Variants in RBFOX3 observed in about 807,000 individuals in gnomAD.
The protein encoded by RBFOX3 is RNA binding protein fox-1 homolog 3.
A neutral mutation model predicts 48.7 loss-of-function variants in RBFOX3; 17 were observed. That is an observed-to-expected ratio of 0.35 (90% CI 0.24 to 0.52). RBFOX3 has a LOEUF of 0.52. Ranked by LOEUF, RBFOX3 falls within the 20% of genes least tolerant of loss-of-function variation. The pLI is 0.94. For synonymous variants in RBFOX3, 212 were observed against 209.5 expected (o/e 1.01, Z -0.10); for missense variants, 382 against 497.5 (o/e 0.77, Z 2.21).
chr17:79,348,795 G>T (rs746603703), intron 2 of RBFOX3, among the ~76,000 whole-genome samples: 1 of 151,788 alleles, frequency 6.6e-6, no homozygotes, highest in African/African-American at 2.4e-5. Context: ...GGCCAGGTTG[G>T]TCTCCAACTC....
intron 3 of RBFOX3, among the ~76,000 whole-genome samples, chr17:79,251,934 C>T (rs2064023867): frequency 6.6e-6 from 1 of 152,190 alleles, no homozygotes. Flanking sequence ...GGATCCTTCC[C>T]CTCCCTGCCT....
the RBFOX3 span, among the ~76,000 whole-genome samples, chr17:79,622,964 G>A: frequency 2.1e-4 from 32 of 151,862 alleles, no homozygotes; most frequent in Non-Finnish European, 3.8e-4. Context: ...TCTCTACCAC[G>A]CCCTGTCCTC....
At chr17:79,542,065 T>C (rs1249082361) in intron 1 of RBFOX3, among the ~76,000 whole-genome samples, 1 of 151,258 alleles carries the variant, frequency 6.6e-6, no homozygotes, top group Non-Finnish European at 1.5e-5. Context: ...GTATTGTTTA[T>C]CGTGCAACAC....
intron 2 of RBFOX3, among the ~76,000 whole-genome samples, chr17:79,353,057 T>C (rs2084269412): frequency 6.6e-6 from 1 of 152,186 alleles, no homozygotes; most frequent in African/African-American, 2.4e-5. Flanking sequence ...CAGGATGACA[T>C]GGTCTGACCT....
chr17:79,552,766 C>G (rs879046548), intron 1 of RBFOX3, among the ~76,000 whole-genome samples: 14 of 152,128 alleles, frequency 9.2e-5, no homozygotes, highest in Admixed American at 9.2e-4. Context: ...TAAGTTTATT[C>G]CTAGATATTT....
intron 4 of RBFOX3, among the ~76,000 whole-genome samples, chr17:79,147,643 G>C (rs2043313042): frequency 6.6e-6 from 1 of 152,218 alleles, no homozygotes. Context: ...TAGTTGGCAA[G>C]ACCCCAAAAG....
chr17:79,591,344 C>T (rs886647058), intron 1 of RBFOX3, among the ~76,000 whole-genome samples: 59 of 152,260 alleles, frequency 3.9e-4, no homozygotes, highest in African/African-American at 1.3e-3. Context: ...GTCACAGCCA[C>T]GCTGCCACTC....
At chr17:79,634,556 C>A in the RBFOX3 span, among the ~76,000 whole-genome samples, 1 of 152,164 alleles carries the variant, frequency 6.6e-6, no homozygotes, top group Non-Finnish European at 1.5e-5. Flanking sequence ...TATAGAGCAC[C>A]CACTGCATGT....
chr17:79,228,758 T>C (rs965978488), intron 4 of RBFOX3, among the ~76,000 whole-genome samples: 8 of 152,148 alleles, frequency 5.3e-5, no homozygotes, highest in Non-Finnish European at 1.0e-4. Flanking sequence ...TTCTGGGGCA[T>C]TGCTCTTTAT....
chr17:79,288,933 C>A (rs937448946), intron 3 of RBFOX3, among the ~76,000 whole-genome samples: 2 of 152,094 alleles, frequency 1.3e-5, no homozygotes, highest in African/African-American at 4.8e-5. Context: ...CTGTTGGGGA[C>A]AGAGTTGTTT....
At chr17:79,143,851 T>C (rs961171031) in intron 4 of RBFOX3, among the ~76,000 whole-genome samples, 1 of 152,224 alleles carries the variant, frequency 6.6e-6, no homozygotes, top group African/African-American at 2.4e-5. Flanking sequence ...ACCCCCGACC[T>C]GCAGTGCCTG....
At chr17:79,640,343 T>C in the RBFOX3 span, among the ~76,000 whole-genome samples, 2 of 152,102 alleles carry the variant, frequency 1.3e-5, no homozygotes, top group Admixed American at 1.3e-4. Flanking sequence ...TGTTCATGGA[T>C]TGGAATAATT....
At chr17:79,645,207 C>T in the RBFOX3 span, among the ~76,000 whole-genome samples, 4 of 152,116 alleles carry the variant, frequency 2.6e-5, no homozygotes, top group East Asian at 3.9e-4. Flanking sequence ...ATTCTTCTTT[C>T]GCTCATTCTT....
the RBFOX3 span, among the ~76,000 whole-genome samples, chr17:79,638,626 G>T: frequency 1.3e-4 from 20 of 152,278 alleles, no homozygotes; most frequent in African/African-American, 4.8e-4. Flanking sequence ...GTTGCAGGTG[G>T]GACCTAATGG....
intron 4 of RBFOX3, among the ~76,000 whole-genome samples, chr17:79,221,231 G>A (rs558951375): frequency 2.2e-4 from 33 of 152,378 alleles, no homozygotes; most frequent in Middle Eastern, 3.4e-3. Flanking sequence ...CCCAGGGCCC[G>A]GTCGGGAGCC....
rs934870151 is a variant in RBFOX3, at chr17:79,128,671, T to C, written c.-33-12923A>G. ...TGGAACACCCCCAAAAGCCAGGTCG[T>C]AGCCAGCAAGGTGAGAAGCCTGGGA... On this transcript the variant is annotated intron_variant, in intron 4 of 14. Coordinates refer to ENST00000693108, the MANE Select transcript of RBFOX3 (RefSeq NM_001350451.2). Among the ~76,000 whole-genome samples, 22 of 152,302 alleles carry C rather than the reference T, an allele frequency of 1.4e-4. 1 individual carries two copies. The highest frequency in any genetic ancestry group is 5.1e-4 in the African/African-American group (21 of 41,570).
At chr17:79,274,811 C>T (rs2143958185) in intron 3 of RBFOX3, among the ~76,000 whole-genome samples, 1 of 152,228 alleles carries the variant, frequency 6.6e-6, no homozygotes, top group East Asian at 1.9e-4. Context: ...GCCCATCCTC[C>T]CTGACCACGG....
chr17:79,573,884 C>T (rs2092769155), intron 1 of RBFOX3, among the ~76,000 whole-genome samples: 1 of 152,208 alleles, frequency 6.6e-6, no homozygotes, highest in Non-Finnish European at 1.5e-5. Context: ...GCCTCCTTCT[C>T]CTCCCTGGCT....
chr17:79,141,835 G>GA (rs1812866872), intron 4 of RBFOX3, among the ~76,000 whole-genome samples: 1 of 152,164 alleles, frequency 6.6e-6, no homozygotes, highest in African/African-American at 2.4e-5. Flanking sequence ...CAGTGATGCC[G>GA]AAAGTGAGCG....
Sources: allele counts gnomAD v4.1 joint callset (sites outside exome capture counted in the v4.1 genomes callset), GRCh38; gene constraint gnomAD v4.1.1; transcripts MANE v1.5; gene names NCBI Gene and HGNC (gene_info 2026-07-23, HGNC 2026-07-21).